The following SLC35D4 variants were observed in gnomAD, a reference collection of about 807,000 sequenced individuals.
SLC35D4 encodes the protein UDP-N-acetylglucosamine transporter SLC35D4.
At chr18:23,437,937 G>C in the SLC35D4 span, 2 of 1,431,026 alleles carry the variant, frequency 1.4e-6, no homozygotes, top group Non-Finnish European at 1.9e-6. Flanking sequence ...AGCAGCAGCG[G>C]CAGCGGCAGC....
At chr18:23,319,395 C>T in the SLC35D4 span, among the ~76,000 whole-genome samples, 11 of 151,110 alleles carry the variant, frequency 7.3e-5, no homozygotes, top group African/African-American at 1.9e-4. Flanking sequence ...CTCAGCCTCC[C>T]GAGTAGCTGG....
chr18:23,338,036 T>G, the SLC35D4 span, among the ~76,000 whole-genome samples: 1 of 152,178 alleles, frequency 6.6e-6, no homozygotes. Flanking sequence ...GGAGACAGCT[T>G]TGAAGGATCC....
the SLC35D4 span, among the ~76,000 whole-genome samples, chr18:23,320,566 A>G: frequency 6.6e-6 from 1 of 152,192 alleles, no homozygotes; most frequent in Non-Finnish European, 1.5e-5. Context: ...GGACATAGGT[A>G]TAGAAGAACT....
At chr18:23,318,466 G>T in the SLC35D4 span, among the ~76,000 whole-genome samples, 4 of 152,016 alleles carry the variant, frequency 2.6e-5, no homozygotes, top group Admixed American at 2.0e-4. Context: ...TATGCTTTTG[G>T]TATGTGCCAT....
the SLC35D4 span, among the ~76,000 whole-genome samples, chr18:23,319,557 C>T: frequency 6.6e-6 from 1 of 152,294 alleles, no homozygotes; most frequent in South Asian, 2.1e-4. Flanking sequence ...AATTCTCCTG[C>T]CTCCTGAGTA....
the SLC35D4 span, among the ~76,000 whole-genome samples, chr18:23,398,507 C>A: frequency 1.3e-5 from 2 of 152,194 alleles, no homozygotes; most frequent in Non-Finnish European, 2.9e-5. Flanking sequence ...CCAGGGCAAG[C>A]CTCGTGGTCT....
chr18:23,246,541 G>A, the SLC35D4 span, among the ~76,000 whole-genome samples: 14,505 of 151,474 alleles, frequency 0.096, 1,026 homozygotes, highest in Admixed American at 0.21. Flanking sequence ...ACAGGCACCC[G>A]CCACCACACC....
the SLC35D4 span, chr18:23,437,948 A>T: frequency 2.2e-6 from 3 of 1,361,920 alleles, no homozygotes; most frequent in African/African-American, 2.9e-5. Flanking sequence ...CAGCGGCAGC[A>T]GCCGCCCAGA....
chr18:23,246,079 A>AAC, the SLC35D4 span, among the ~76,000 whole-genome samples: 2 of 152,104 alleles, frequency 1.3e-5, no homozygotes, highest in Non-Finnish European at 2.9e-5. Context: ...CATCCTGGCC[A>AAC]ACGGTGTAAC....
chr18:23,306,481 T>G, the SLC35D4 span, among the ~76,000 whole-genome samples: 1 of 152,150 alleles, frequency 6.6e-6, no homozygotes, highest in Non-Finnish European at 1.5e-5. Flanking sequence ...TAATTTTGTA[T>G]TTTTAGTAGA....
the SLC35D4 span, chr18:23,259,830 CCA>C: frequency 2.0e-5 from 3 of 152,302 alleles, no homozygotes; most frequent in African/African-American, 7.2e-5. Flanking sequence ...TTGACCTCCT[CCA>C]CAGAGGGCAG....
chr18:23,400,681 T>C, the SLC35D4 span, among the ~76,000 whole-genome samples: 4 of 152,116 alleles, frequency 2.6e-5, no homozygotes, highest in Non-Finnish European at 5.9e-5. Flanking sequence ...CCCAGAGTTA[T>C]CCTAATAATG....
chr18:23,240,420 C>T, the SLC35D4 span, among the ~76,000 whole-genome samples: 1 of 152,232 alleles, frequency 6.6e-6, no homozygotes, highest in Admixed American at 6.5e-5. Context: ...CCTCCCTCCC[C>T]ACTGACTCGG....
chr18:23,415,238 G>A, the SLC35D4 span, among the ~76,000 whole-genome samples: 1 of 152,094 alleles, frequency 6.6e-6, no homozygotes, highest in Non-Finnish European at 1.5e-5. Context: ...TACTTGTTAC[G>A]GTTCTCCAGC....
the SLC35D4 span, among the ~76,000 whole-genome samples, chr18:23,298,392 G>A: frequency 6.6e-6 from 1 of 152,214 alleles, no homozygotes; most frequent in African/African-American, 2.4e-5. Context: ...ACTTCTGGCA[G>A]GAGAGATCCC....
At chr18:23,353,012 A>C in the SLC35D4 span, among the ~76,000 whole-genome samples, 1 of 151,164 alleles carries the variant, frequency 6.6e-6, no homozygotes, top group Non-Finnish European at 1.5e-5. Context: ...GGCCAAAGCA[A>C]AGGGAGCTCC....
At chr18:23,376,712 A>G in the SLC35D4 span, 13 of 449,266 alleles carry the variant, frequency 2.9e-5, no homozygotes, top group East Asian at 9.1e-4. Context: ...ATCCATGGAG[A>G]ATGAGCATCA....
the SLC35D4 span, among the ~76,000 whole-genome samples, chr18:23,252,404 AAAAG>A: frequency 2.6e-5 from 4 of 152,206 alleles, no homozygotes; most frequent in African/African-American, 7.2e-5. Flanking sequence ...TTAAAAAACT[AAAAG>A]AACATTAGCT....
the SLC35D4 span, chr18:23,371,515 G>A: frequency 1.6e-3 from 2,386 of 1,496,258 alleles, 29 homozygotes; most frequent in African/African-American, 0.03. Context: ...ATAAGTGCAA[G>A]GCAAATGGAA....
Sources: allele counts gnomAD v4.1 joint callset (sites outside exome capture counted in the v4.1 genomes callset), GRCh38; gene constraint gnomAD v4.1.1; transcripts MANE v1.5; gene names NCBI Gene and HGNC (gene_info 2026-07-23, HGNC 2026-07-21).